PARP8: variants seen among roughly 807,000 people sequenced by gnomAD.
PARP8 encodes poly(ADP-ribose) polymerase family member 8.
Under a neutral mutation model 124.1 loss-of-function variants are expected in PARP8, and 51 were observed. The ratio of observed to expected loss-of-function variants is 0.41; its 90% CI spans 0.33 to 0.52. The LOEUF (loss-of-function observed/expected upper bound fraction) is 0.52. Ranked by LOEUF, PARP8 falls within the 20% of genes least tolerant of loss-of-function variation. The probability of loss-of-function intolerance (pLI) is 0.21; values close to 1 mark genes in which losing one functional copy is unlikely to be tolerated. For missense variants in PARP8, 860 were observed against 1,018.9 expected (o/e 0.84, Z 2.12); for synonymous variants, 391 against 361.5 (o/e 1.08, Z -0.93).
At chr5:50,835,368 C>T (rs1235673172) in intron 25 of PARP8, among the ~76,000 whole-genome samples, 3 of 152,032 alleles carry the variant, frequency 2.0e-5, no homozygotes, top group South Asian at 2.1e-4. Context: ...CATGGTGAAA[C>T]GCTATCTCTA....
chr5:50,766,067 G>A (rs1761029475), intron 7 of PARP8, among the ~76,000 whole-genome samples: 1 of 152,160 alleles, frequency 6.6e-6, no homozygotes. Context: ...AACTGAGATT[G>A]CCTAGGCAAA....
intron 12 of PARP8, among the ~76,000 whole-genome samples, chr5:50,796,668 G>A (rs1356832904): frequency 6.6e-6 from 1 of 152,172 alleles, no homozygotes; most frequent in Non-Finnish European, 1.5e-5. Context: ...AGAGGTATGA[G>A]CATTTGCTGA....
intron 2 of PARP8, among the ~76,000 whole-genome samples, chr5:50,674,555 C>A (rs1490306451): frequency 1.3e-5 from 2 of 152,192 alleles, no homozygotes; most frequent in African/African-American, 4.8e-5. Flanking sequence ...TTCATCTGTT[C>A]AGAAGCCTTC....
intron 17 of PARP8, among the ~76,000 whole-genome samples, chr5:50,824,273 T>C (rs1746093266): frequency 6.6e-6 from 1 of 152,154 alleles, no homozygotes; most frequent in Admixed American, 6.5e-5. Flanking sequence ...AAAATGGTCA[T>C]TGTGAAAGAG....
chr5:50,691,728 A>G (rs1177280083), intron 2 of PARP8, among the ~76,000 whole-genome samples: 1 of 152,130 alleles, frequency 6.6e-6, no homozygotes, highest in East Asian at 1.9e-4. Flanking sequence ...TAGACATCAC[A>G]AACTGGACAG....
chr5:50,759,718 A>T lies in PARP8; in HGVS notation c.260A>T (p.His87Leu). 1.3e-6 allele frequency: 2 copies of T among 1,577,124 alleles called. No homozygotes were observed. Among genetic ancestry groups the T allele is most frequent in the Non-Finnish European group, 1.7e-6 (2 of 1,167,718 alleles). Residue 87 changes from histidine to leucine, a missense_variant, in exon 4 of 26, where the codon CAT becomes CTT. By Grantham distance (99) the His-to-Leu change is moderately conservative. Coordinates refer to ENST00000281631, the MANE Select transcript of PARP8 (RefSeq NM_024615.4). The stretch of plus-strand genomic sequence containing the variant: ...ACAGAGCCAATACCAGTAATTTTTC[A>T]TAGAATAGCAACAGGTAATAGTAGT... ...VTTEPIPVIF[H>L]RIATELRKTN...
intron 2 of PARP8, among the ~76,000 whole-genome samples, chr5:50,694,663 T>C (rs1299221815): frequency 6.6e-6 from 1 of 152,158 alleles, no homozygotes; most frequent in East Asian, 1.9e-4. Context: ...CTGGGTTCTC[T>C]AGAAGGACGG....
Position 50,845,407 on chromosome 5 carries a change from A to G in PARP8, c.*3339A>G, listed in dbSNP as rs1287493391. 1 of 151,762 alleles carries G rather than the reference A, an allele frequency of 6.6e-6. No homozygotes were observed. The highest frequency in any genetic ancestry group is 6.6e-5 in the Admixed American group (1 of 15,194). 9.4% of individuals were successfully genotyped at this position (151,762 alleles called of 1,614,324 possible). Reference sequence around the variant, plus strand: ...TACCGTCTAAATAAATACGGATTTCATGGTGGCATTTGAAGCACATTTTGC... The same window carrying G: ...TACCGTCTAAATAAATACGGATTTCGTGGTGGCATTTGAAGCACATTTTGC... On this transcript the variant is annotated 3_prime_UTR_variant, in exon 26 of 26. Transcript: ENST00000281631.
intron 3 of PARP8, among the ~76,000 whole-genome samples, chr5:50,751,681 A>G (rs1300254465): frequency 1.3e-5 from 2 of 152,140 alleles, no homozygotes; most frequent in Non-Finnish European, 2.9e-5. Flanking sequence ...ATATAAATTC[A>G]TACTTAGAGA....
chr5:50,839,941 G>C (rs904325726), intron 25 of PARP8, among the ~76,000 whole-genome samples: 5 of 151,984 alleles, frequency 3.3e-5, no homozygotes, highest in African/African-American at 1.2e-4. Context: ...GAATGATGAA[G>C]GAACTCGTAT....
rs544872245 is a variant in PARP8 at position 50,750,663 on chromosome 5, A to T, written c.184+475A>T. Among the ~76,000 whole-genome samples, 3 of 152,214 alleles carry T rather than the reference A, an allele frequency of 2.0e-5. No individual in the cohort carries two copies. The East Asian group carries it at 5.8e-4, about 29-fold the overall frequency. Reference sequence around the variant, plus strand: ...AAACTTACTTGTTTAGCATTTAAGTATTTTCTGCGGCAGTTTGCATTAAGC... The same window carrying T: ...AAACTTACTTGTTTAGCATTTAAGTTTTTTCTGCGGCAGTTTGCATTAAGC... On this transcript the variant is annotated intron_variant, in intron 3 of 25. Transcript: ENST00000281631.
intron 2 of PARP8, among the ~76,000 whole-genome samples, chr5:50,679,233 C>G (rs1396747982): frequency 2.0e-5 from 3 of 152,010 alleles, no homozygotes; most frequent in African/African-American, 7.2e-5. Flanking sequence ...GTACAAAGTC[C>G]AAGTCTAAAC....
intron 15 of PARP8, among the ~76,000 whole-genome samples, chr5:50,819,838 A>G (rs569508952): frequency 1.3e-5 from 2 of 152,292 alleles, no homozygotes; most frequent in African/African-American, 2.4e-5. Context: ...TATCAGGGTT[A>G]ATGTGCATCT....
At chr5:50,757,121 A>G in intron 3 of PARP8, 1 of 455,030 alleles carries the variant, frequency 2.2e-6, no homozygotes, top group South Asian at 1.6e-5. Context: ...CTTCTTAGCT[A>G]TTGTGAATAC....
rs1463007096 is a variant in PARP8 at position 50,815,507 on chromosome 5, A to G, written c.1651A>G (p.Ile551Val). 2.5e-6 allele frequency: 4 copies of G among 1,595,050 alleles called. No homozygotes were observed. Residue 551 changes from isoleucine to valine, a missense_variant, in exon 15 of 26, where the codon ATA becomes GTA. Ile to Val is a conservative substitution (Grantham distance 29). Coordinates refer to ENST00000281631, the MANE Select transcript of PARP8 (RefSeq NM_024615.4). ...LGVMNEAADE[I>V]ATGAQVVDLL... The stretch of plus-strand genomic sequence containing the variant: ...AGTAATGAATGAAGCTGCTGATGAA[A>G]TAGCAACTGGAGCTCAGGTAGTAAC...
intron 2 of PARP8, among the ~76,000 whole-genome samples, chr5:50,747,078 G>A (rs879883823): frequency 6.7e-6 from 1 of 148,766 alleles, no homozygotes; most frequent in Non-Finnish European, 1.5e-5. Flanking sequence ...AAATAAAAAT[G>A]TATCAAACTT....
At chr5:50,841,671 T>A (rs1748195968) in intron 25 of PARP8, among the ~76,000 whole-genome samples, 1 of 151,540 alleles carries the variant, frequency 6.6e-6, no homozygotes, top group South Asian at 2.1e-4. Flanking sequence ...TAGCAGCTGC[T>A]ATGGGAAATG....
At position 50,835,100 on chromosome 5, in the gene PARP8, G is replaced by A. The variant is rs577144053; in HGVS notation, c.2462+85G>A. 8 of 1,097,760 alleles carry A rather than the reference G, an allele frequency of 7.3e-6. No individual in the cohort carries two copies. In the East Asian group the frequency reaches 2.0e-4, roughly 27 times the overall value. The allele number at this position is 1,097,760 out of a possible 1,614,324, so 68.0% of individuals were successfully genotyped here. On this transcript the variant is annotated intron_variant, in intron 25 of 25. Coordinates refer to ENST00000281631, the MANE Select transcript of PARP8 (RefSeq NM_024615.4). Reference sequence around the variant, plus strand: ...ACTGAATTATCGTTTGGTCTCTTTAGCTGCCAAAATATAACAGGTAATTGA... The same window carrying A: ...ACTGAATTATCGTTTGGTCTCTTTAACTGCCAAAATATAACAGGTAATTGA...
intron 2 of PARP8, among the ~76,000 whole-genome samples, chr5:50,675,419 C>T (rs1037247098): frequency 6.6e-6 from 1 of 152,212 alleles, no homozygotes; most frequent in Non-Finnish European, 1.5e-5. Context: ...ATTCTCCCGT[C>T]TCAGTCTCTC....
Sources: allele counts gnomAD v4.1 joint callset (sites outside exome capture counted in the v4.1 genomes callset), GRCh38; gene constraint gnomAD v4.1.1; transcripts MANE v1.5; gene names NCBI Gene and HGNC (gene_info 2026-07-23, HGNC 2026-07-21).